Variants in LYST observed in about 807,000 individuals in gnomAD.
LYST encodes the protein lysosomal-trafficking regulator.
A neutral mutation model predicts 413.6 loss-of-function variants in LYST; 192 were observed. The observed-to-expected ratio is 0.46, with a 90% CI of 0.41 to 0.52. The LOEUF is 0.52. LYST is among the 20% of genes least tolerant of loss of function. LYST has a pLI of 0.00. For synonymous variants in LYST, 1,525 were observed against 1,567.3 expected, an observed-to-expected ratio of 0.97 and a Z score of 0.64; for missense variants, 3,815 against 4,499.9, an observed-to-expected ratio of 0.85 and a Z score of 4.35.
At chr1:235,682,722 C>A (rs1477792815) in intron 48 of LYST, among the ~76,000 whole-genome samples, 1 of 152,098 alleles carries the variant, frequency 6.6e-6, no homozygotes, top group Non-Finnish European at 1.5e-5. Context: ...TAGAACAATG[C>A]CTAATACAAA....
At chr1:235,680,489 T>C (rs182969517) in intron 48 of LYST, among the ~76,000 whole-genome samples, 151 of 152,292 alleles carry the variant, frequency 9.9e-4, no homozygotes, top group African/African-American at 3.5e-3. Context: ...CTCAAACTCT[T>C]GGCTTCAAGT....
chr1:235,736,219 T>A (rs138494204), intron 31 of LYST: 15 of 152,208 alleles, frequency 9.9e-5, no homozygotes, highest in African/African-American at 3.6e-4. Context: ...TTTCAGCCCT[T>A]AAAAAACTGA....
rs751511204 is a variant in LYST, at chr1:235,806,106, T to C, written c.3030A>G (p.Gly1010=). The change falls in exon 6 of 53, where the codon GGA becomes GGG. Residue 1010 remains glycine (G), a synonymous_variant. Coordinates refer to ENST00000389793, the MANE Select transcript of LYST (RefSeq NM_000081.4). ...TTACACTTGTATCTCCCTCCTTTTT[T>C]CCTTGCTCCTCTTTGTGACTTCTGA... ...KLFRSHKEEQ[G]KKEGDTSVNE... 9.0e-5 allele frequency: 145 copies of C among 1,613,952 alleles called. No individual in the cohort carries two copies. In the Middle Eastern group the frequency reaches 1.5e-3, roughly 17 times the overall value.
intron 36 of LYST, 138 bp from the exon 37 acceptor site, chr1:235,729,795 AC>A: frequency 1.5e-6 from 1 of 669,614 alleles, no homozygotes; most frequent in South Asian, 1.7e-5. Context: ...TCTTGTCGAA[AC>A]CCACATGAAA....
At chr1:235,713,402 G>A (rs1662565656) in intron 42 of LYST, among the ~76,000 whole-genome samples, 2 of 152,110 alleles carry the variant, frequency 1.3e-5, no homozygotes, top group Admixed American at 6.6e-5. Flanking sequence ...AAGGAAATAC[G>A]GAACAAGAGT....
chr1:235,863,348 C>T lies in LYST; in HGVS notation c.-98+3495G>A, dbSNP rs1009243522. ...TGGAGGTTGCAGTGAACCAAGATCT[C>T]GCCTCTACACTCCAGCCTGGGTGAC... On this transcript the variant is annotated intron_variant, in intron 1 of 52. Coordinates refer to ENST00000389793, the MANE Select transcript of LYST (RefSeq NM_000081.4). 2.6e-5 allele frequency among the ~76,000 whole-genome samples: 4 copies of T among 151,890 alleles called. No homozygotes were observed. In the South Asian group the frequency reaches 8.3e-4, roughly 32 times the overall value.
chr1:235,695,794 G>A (rs1348172980), intron 46 of LYST, among the ~76,000 whole-genome samples: 4 of 151,720 alleles, frequency 2.6e-5, no homozygotes, highest in African/African-American at 4.8e-5. Context: ...CACCACGCCC[G>A]GCTAATTTTT....
At position 235,806,227 on chromosome 1, in the gene LYST, A is replaced by C. The variant is rs141758032; in HGVS notation, c.2909T>G (p.Ile970Ser). The change falls in exon 6 of 53, where the codon ATC becomes AGC. Residue 970 changes from isoleucine (I) to serine (S), a missense_variant. Around this residue, in one of 4 missense-constraint regions of LYST, gnomAD observed 1,648 missense variants for 1,810.3 expected, o/e 0.91. Coordinates refer to ENST00000389793, the MANE Select transcript of LYST (RefSeq NM_000081.4). ...CTGGAACACTGAACTCAACATGTAG[A>C]TCCAACGACACATAGACCAAATGTC... ...AADIWSMCRW[I>S]YMLSSVFQKQ... 4.4e-5 allele frequency: 71 copies of C among 1,613,914 alleles called. No homozygotes were observed. Among genetic ancestry groups the C allele is most frequent in the Non-Finnish European group, 5.3e-5 (63 of 1,180,006 alleles).
rs554819530 is a variant in LYST at position 235,772,040 on chromosome 1, T to C, written c.5785-1743A>G. ...GAGTTTGAGACCAGCCTGGGCAATA[T>C]AGTGAGACTTCATCTCTACAAAAAA... On this transcript the variant is annotated intron_variant, in intron 19 of 52. Coordinates refer to ENST00000389793, the MANE Select transcript of LYST (RefSeq NM_000081.4). 2.9e-3 allele frequency among the ~76,000 whole-genome samples: 430 copies of C among 147,096 alleles called. 1 individual carries two copies. The highest frequency in any genetic ancestry group is 0.01 in the African/African-American group (408 of 39,756).
chr1:235,746,420 T>G lies in LYST; in HGVS notation c.7888A>C (p.Asn2630His). 6.2e-7 allele frequency: 1 copy of G among 1,613,954 alleles called. No individual in the cohort carries two copies. Among genetic ancestry groups the G allele is most frequent in the Non-Finnish European group, 8.5e-7 (1 of 1,179,906 alleles). ...TCCGTTTCAGTTGCTTGGCTAGGGT[T>G]CTCTTGGCTCATTCTCCGTTGCATC... ...VMMQRRMSQE[N>H]PSQATETELA... is the part of the protein sequence containing the mutation. Residue 2630 changes from asparagine (N) to histidine (H), a missense_variant, in exon 29 of 53, where the codon AAC becomes CAC. Asn to His is a moderately conservative substitution (Grantham distance 68). Around this residue, in one of 4 missense-constraint regions of LYST, gnomAD observed 771 missense variants for 837.1 expected, o/e 0.92. Coordinates refer to ENST00000389793, the MANE Select transcript of LYST (RefSeq NM_000081.4).
At chr1:235,834,232 T>C (rs994708077) in intron 1 of LYST, among the ~76,000 whole-genome samples, 3 of 152,196 alleles carry the variant, frequency 2.0e-5, no homozygotes, top group African/African-American at 7.2e-5. Context: ...AAAGGATAAA[T>C]TTCTATTTCT....
chr1:235,827,255 G>C (rs1367902267), intron 3 of LYST: 1 of 166,904 alleles, frequency 6.0e-6, no homozygotes, highest in Non-Finnish European at 1.2e-5. Context: ...TGTAATCCCA[G>C]CTACTCAGGT....
intron 37 of LYST, among the ~76,000 whole-genome samples, chr1:235,729,022 T>C (rs1664137184): frequency 6.6e-6 from 1 of 152,196 alleles, no homozygotes; most frequent in Non-Finnish European, 1.5e-5. Flanking sequence ...TGCTACTAAT[T>C]CAGGGTTCTC....
chr1:235,755,303 C>T (rs980744953), intron 25 of LYST, among the ~76,000 whole-genome samples, 175 bp downstream of exon 25: 3 of 151,392 alleles, frequency 2.0e-5, no homozygotes, highest in African/African-American at 4.9e-5. Flanking sequence ...GCAGGAGAAT[C>T]GCTTGAACCT....
chr1:235,883,072 C>T (rs890243902), intron 1 of LYST: 3 of 152,436 alleles, frequency 2.0e-5, no homozygotes, highest in Non-Finnish European at 4.4e-5. Context: ...GAAATTCATC[C>T]ACCAGTCACC....
Position 235,746,002 on chromosome 1 carries a change from T to A in LYST, c.7972+334A>T, listed in dbSNP as rs1665887327. Among the ~76,000 whole-genome samples, 3 of 152,152 alleles carry A rather than the reference T, an allele frequency of 2.0e-5. No individual in the cohort carries two copies. In the South Asian group the frequency reaches 6.2e-4, roughly 32 times the overall value. ...CCTGGTGATGATATTATACTACAGT[T>A]CTGCAAGATTCATGGGGGAAACTGG... On this transcript the variant is annotated intron_variant, in intron 29 of 52. Transcript: ENST00000389793.
At chr1:235,755,981 A>C (rs936617522) in intron 24 of LYST, among the ~76,000 whole-genome samples, 1 of 151,672 alleles carries the variant, frequency 6.6e-6, no homozygotes, top group Non-Finnish European at 1.5e-5. Flanking sequence ...AAATCCGTAA[A>C]CTATGCTCTC....
chr1:235,866,592 CGCGGCCCGGCGGCTGTCAAAG>C (rs1350608482), intron 1 of LYST, among the ~76,000 whole-genome samples: 39 of 152,228 alleles, frequency 2.6e-4, no homozygotes, highest in Non-Finnish European at 4.4e-4. Flanking sequence ...AGCTCCCGCC[CGCGGCCCGGCGGCTGTCAAAG>C]GCGGCCCGGC....
intron 21 of LYST, among the ~76,000 whole-genome samples, chr1:235,764,304 G>C (rs1667889557): frequency 6.6e-6 from 1 of 151,896 alleles, no homozygotes; most frequent in African/African-American, 2.4e-5. Context: ...CCTCAACTAG[G>C]CTGTAAACGT....
Sources: gnomAD v4.1 joint callset for allele counts (sites outside exome capture counted in the v4.1 genomes callset) on GRCh38, gnomAD v4.1.1 for gene constraint, gnomAD v4.1.1 regional missense constraint, MANE v1.5 for transcripts, NCBI Gene and HGNC (gene_info 2026-07-23, HGNC 2026-07-21) for gene names.